The following NEDD4L variants were observed in gnomAD, a reference collection of about 807,000 sequenced individuals.
The protein encoded by NEDD4L is E3 ubiquitin-protein ligase NEDD4-like.
In NEDD4L, 54 loss-of-function variants were observed where a neutral mutation model predicts 148.9. The observed-to-expected ratio is 0.36, with a 90% CI of 0.29 to 0.45. The LOEUF is 0.45. Ranked by LOEUF, NEDD4L falls within the 20% of genes least tolerant of loss-of-function variation. The pLI is 1.00. For synonymous variants in NEDD4L, 433 were observed against 440.7 expected, an observed-to-expected ratio of 0.98 and a Z score of 0.22; for missense variants, 856 against 1,233.8, an observed-to-expected ratio of 0.69 and a Z score of 4.59.
intron 5 of NEDD4L, among the ~76,000 whole-genome samples, chr18:58,308,913 C>T (rs1011387901): frequency 6.6e-6 from 1 of 152,214 alleles, no homozygotes; most frequent in Non-Finnish European, 1.5e-5. Flanking sequence ...CGTCCCTGAG[C>T]GGAACCCTTC....
chr18:58,045,119 C>T (rs1425827046), intron 1 of NEDD4L: 9 of 399,076 alleles, frequency 2.3e-5, no homozygotes, highest in Non-Finnish European at 3.5e-5. Context: ...CGGCTGGAGA[C>T]CCGGGACTGC....
In NEDD4L at chr18:58,065,193, T is replaced by C. The variant is rs555144502; in HGVS notation, c.48+20485T>C. 1.6e-3 allele frequency among the ~76,000 whole-genome samples: 242 copies of C among 152,364 alleles called. 1 individual carries two copies. The highest frequency in any genetic ancestry group is 5.6e-3 in the African/African-American group (234 of 41,596). On this transcript the variant is annotated intron_variant, in intron 1 of 30. Coordinates refer to ENST00000400345, the MANE Select transcript of NEDD4L (RefSeq NM_001144967.3). The stretch of plus-strand genomic sequence containing the variant: ...TCAAAGACAGTTTGGTACTGAAAAT[T>C]GCTCTGGTAAATTAACACAATTTAT...
intron 16 of NEDD4L, among the ~76,000 whole-genome samples, chr18:58,348,346 T>TTTTTTTTTC (rs2043396035): frequency 1.9e-5 from 2 of 107,446 alleles, no homozygotes; most frequent in East Asian, 2.6e-4. Context: ...TTTTTTTTTT[T>TTTTTTTTTC]TTTGAGACGG....
chr18:58,137,081 T>C (rs1475455819), intron 1 of NEDD4L, among the ~76,000 whole-genome samples: 1 of 152,210 alleles, frequency 6.6e-6, no homozygotes, highest in South Asian at 2.1e-4. Context: ...TCATTTTAAA[T>C]GATTGAGCAA....
At chr18:58,292,534 C>A (rs2054920621) in intron 5 of NEDD4L, among the ~76,000 whole-genome samples, 1 of 152,220 alleles carries the variant, frequency 6.6e-6, no homozygotes, top group African/African-American at 2.4e-5. Flanking sequence ...GATCTCGCTC[C>A]TCTACTCTCT....
chr18:58,347,538 A>G (rs1028846459), intron 16 of NEDD4L, among the ~76,000 whole-genome samples: 3 of 152,128 alleles, frequency 2.0e-5, no homozygotes, highest in African/African-American at 7.2e-5. Context: ...CCAGATTATC[A>G]GCTTCTTGGA....
At chr18:58,185,933 C>G (rs539557724) in intron 2 of NEDD4L, among the ~76,000 whole-genome samples, 4 of 152,094 alleles carry the variant, frequency 2.6e-5, no homozygotes, top group Non-Finnish European at 4.4e-5. Context: ...TGCCTGTACT[C>G]TTAGACCCAG....
intron 19 of NEDD4L, among the ~76,000 whole-genome samples, chr18:58,361,449 G>GTTTCTGT (rs1468924563): frequency 2.0e-5 from 3 of 152,178 alleles, no homozygotes; most frequent in African/African-American, 7.2e-5. Flanking sequence ...ATTTTTCCAA[G>GTTTCTGT]AACTTTATAA....
intron 1 of NEDD4L, among the ~76,000 whole-genome samples, chr18:58,068,249 G>C (rs2082707718): frequency 6.7e-6 from 1 of 148,934 alleles, no homozygotes; most frequent in Non-Finnish European, 1.5e-5. Flanking sequence ...GCCCAGGCTG[G>C]AGTGCAGTGG....
At chr18:58,296,038 A>C (rs1264742362) in intron 5 of NEDD4L, among the ~76,000 whole-genome samples, 1 of 152,136 alleles carries the variant, frequency 6.6e-6, no homozygotes. Flanking sequence ...AGACAGAGGG[A>C]GCTTGTGTGT....
chr18:58,050,151 GA>G (rs1277056732), intron 1 of NEDD4L, among the ~76,000 whole-genome samples: 1 of 151,956 alleles, frequency 6.6e-6, no homozygotes, highest in African/African-American at 2.4e-5. Flanking sequence ...TTAATTTAAG[GA>G]ATAAAAATAA....
At chr18:58,155,896 C>T (rs1042394583) in intron 1 of NEDD4L, among the ~76,000 whole-genome samples, 12 of 152,168 alleles carry the variant, frequency 7.9e-5, no homozygotes, top group Admixed American at 2.0e-4. Context: ...ATCTACTGTC[C>T]TGTGGTTGAA....
intron 2 of NEDD4L, among the ~76,000 whole-genome samples, chr18:58,180,365 G>A (rs1450789951): frequency 2.6e-5 from 4 of 151,622 alleles, no homozygotes; most frequent in African/African-American, 4.9e-5. Context: ...TCTCTGTGGT[G>A]GCACTTAGCA....
rs144407434 is a variant in NEDD4L, at chr18:58,085,366, A to G, written c.48+40658A>G. Among the ~76,000 whole-genome samples, 5 of 152,172 alleles carry G rather than the reference A, an allele frequency of 3.3e-5. No homozygotes were observed. In the East Asian group the frequency reaches 7.7e-4, roughly 24 times the overall value. On this transcript the variant is annotated intron_variant, in intron 1 of 30. Coordinates refer to ENST00000400345, the MANE Select transcript of NEDD4L (RefSeq NM_001144967.3). ...GGCAGCAGTGTGGACTTGGTCCTCT[A>G]CCCAGCGTAGGGGGGTCATTCTGGG...
intron 24 of NEDD4L, among the ~76,000 whole-genome samples, chr18:58,376,292 G>A (rs777833868): frequency 8.5e-5 from 13 of 152,210 alleles, no homozygotes; most frequent in African/African-American, 2.9e-4. Context: ...AGACCTCCTC[G>A]TTTAATGTTG....
At chr18:58,240,695 G>A (rs1051035773) in intron 2 of NEDD4L, among the ~76,000 whole-genome samples, 7 of 152,156 alleles carry the variant, frequency 4.6e-5, no homozygotes, top group Admixed American at 1.3e-4. Context: ...ATTCTTTGGC[G>A]CGGAGGCCTT....
chr18:58,228,687 G>T (rs2044675271), intron 2 of NEDD4L, among the ~76,000 whole-genome samples: 1 of 152,248 alleles, frequency 6.6e-6, no homozygotes, highest in African/African-American at 2.4e-5. Flanking sequence ...TGGTGCTCAA[G>T]CCTGAGGTCC....
chr18:58,061,857 T>A (rs1305307246), intron 1 of NEDD4L, among the ~76,000 whole-genome samples: 1 of 152,200 alleles, frequency 6.6e-6, no homozygotes, highest in African/African-American at 2.4e-5. Flanking sequence ...TTGTTTTAGT[T>A]GAGAATGATT....
chr18:58,109,677 C>T (rs2085302566), intron 1 of NEDD4L, among the ~76,000 whole-genome samples: 1 of 151,028 alleles, frequency 6.6e-6, no homozygotes, highest in South Asian at 2.1e-4. Context: ...TACAAGCAAC[C>T]CTCCTGCCTC....
Sources: gnomAD v4.1 joint callset for allele counts (sites outside exome capture counted in the v4.1 genomes callset) on GRCh38, gnomAD v4.1.1 for gene constraint, MANE v1.5 for transcripts, NCBI Gene and HGNC (gene_info 2026-07-23, HGNC 2026-07-21) for gene names.